Variants in RFC3 observed in about 807,000 individuals in gnomAD.
RFC3 encodes the protein replication factor C subunit 3, also known as A1 38 kDa subunit.
A neutral mutation model predicts 45.1 loss-of-function variants in RFC3; 41 were observed. The observed-to-expected ratio is 0.91, with a 90% CI of 0.71 to 1.18. RFC3 has a LOEUF of 1.18. Ranked by LOEUF, RFC3 falls within the 50% of genes most tolerant of loss-of-function variation. The pLI is 0.00. For synonymous variants in RFC3, 149 were observed against 144.0 expected (o/e 1.03, Z -0.25); for missense variants, 423 against 428.1 (o/e 0.99, Z 0.10).
chr13:33,875,070 C>T (rs528086622), intron 8 of RFC3, among the ~76,000 whole-genome samples: 22 of 152,354 alleles, frequency 1.4e-4, no homozygotes, highest in African/African-American at 5.1e-4. Context: ...GATGTTACTC[C>T]ATACACTTAG....
rs1444582991 is a variant in RFC3, at chr13:33,941,899, C to G, written c.880-24188C>G. Among the ~76,000 whole-genome samples, 3 of 152,172 alleles carry G rather than the reference C, an allele frequency of 2.0e-5. No homozygotes were observed. In the East Asian group the frequency reaches 5.8e-4, roughly 29 times the overall value. ...TGTATTTTAGAATTTTTAAATATCT[C>G]CCATACATAACTTATGTTGTTTTAT... On this transcript the variant is annotated intron_variant, in intron 8 of 8. Transcript: ENST00000434425.
chr13:33,972,709 A>G, the RFC3 span, among the ~76,000 whole-genome samples: 1 of 152,314 alleles, frequency 6.6e-6, no homozygotes, highest in East Asian at 1.9e-4. Flanking sequence ...ACTTAGTACC[A>G]CATTATGGCC....
chr13:33,950,658 G>T (rs905063618), intron 8 of RFC3, among the ~76,000 whole-genome samples: 1 of 152,204 alleles, frequency 6.6e-6, no homozygotes, highest in African/African-American at 2.4e-5. Context: ...GCTGAGAGAA[G>T]AAGAGATAGC....
intron 8 of RFC3, among the ~76,000 whole-genome samples, chr13:33,844,724 A>G (rs2082225075): frequency 6.6e-6 from 1 of 152,054 alleles, no homozygotes; most frequent in Admixed American, 6.6e-5. Context: ...TTTATATCTT[A>G]TTATACTGTC....
intron 8 of RFC3, among the ~76,000 whole-genome samples, chr13:33,908,646 A>G: frequency 7.3e-6 from 1 of 136,714 alleles, no homozygotes; most frequent in Non-Finnish European, 1.6e-5. Flanking sequence ...ACACACACAC[A>G]CACGCTTTAA....
intron 8 of RFC3, among the ~76,000 whole-genome samples, chr13:33,856,355 G>A (rs959638126): frequency 6.6e-6 from 1 of 152,120 alleles, no homozygotes; most frequent in African/African-American, 2.4e-5. Flanking sequence ...GGTGGGAGGA[G>A]AAGAGGATCA....
At chr13:33,950,776 C>T (rs2082984684) in intron 8 of RFC3, among the ~76,000 whole-genome samples, 1 of 152,132 alleles carries the variant, frequency 6.6e-6, no homozygotes, top group South Asian at 2.1e-4. Context: ...TTCTCTCTCT[C>T]TCTCTCTTTG....
chr13:33,934,655 C>T (rs1211753496), intron 8 of RFC3, among the ~76,000 whole-genome samples: 2 of 152,126 alleles, frequency 1.3e-5, no homozygotes, highest in African/African-American at 4.8e-5. Flanking sequence ...CACCTGGACT[C>T]GGCAGCCACC....
At position 33,882,466 on chromosome 13, in the gene RFC3, G is replaced by A. The variant is rs117681360; in HGVS notation, c.879+47249G>A. ...TTTGGAGATGAGGCCTTTGGGATGT[G>A]ATTAGATTATGAGGGTGGAGCCCTC... On this transcript the variant is annotated intron_variant, in intron 8 of 8. Coordinates refer to the RFC3 transcript ENST00000434425. Among the ~76,000 whole-genome samples the A allele has an allele frequency of 3.9e-4, 59 of 152,274 alleles. 2 individuals are homozygous for A. The East Asian group carries it at 0.011, about 29-fold the overall frequency.
chr13:33,867,829 T>C (rs1367588325), intron 8 of RFC3, among the ~76,000 whole-genome samples: 2 of 152,224 alleles, frequency 1.3e-5, no homozygotes, highest in Admixed American at 6.5e-5. Context: ...GACTCATATT[T>C]CCTTCTTTAC....
At chr13:33,847,744 G>A (rs1282954693) in intron 8 of RFC3, 2 of 152,106 alleles carry the variant, frequency 1.3e-5, no homozygotes, top group Non-Finnish European at 2.9e-5. Context: ...CAAAAATACA[G>A]TTTAGTCTAA....
At chr13:33,862,704 T>C (rs1296132608) in intron 8 of RFC3, among the ~76,000 whole-genome samples, 1 of 152,228 alleles carries the variant, frequency 6.6e-6, no homozygotes, top group Non-Finnish European at 1.5e-5. Context: ...CATATACATA[T>C]TGAAAAGCAT....
downstream of RFC3, among the ~76,000 whole-genome samples, chr13:33,966,882 C>A (rs1348885204): frequency 6.6e-6 from 1 of 152,048 alleles, no homozygotes; most frequent in Non-Finnish European, 1.5e-5. Flanking sequence ...AGTGGCCAGG[C>A]GTGGTGGCTC....
chr13:33,844,063 C>G (rs1307629594), intron 8 of RFC3, among the ~76,000 whole-genome samples: 2 of 152,084 alleles, frequency 1.3e-5, no homozygotes. Context: ...TCATGTTTTT[C>G]TACTTCTTTG....
chr13:33,922,261 A>G (rs993788944), intron 8 of RFC3, among the ~76,000 whole-genome samples: 2 of 151,670 alleles, frequency 1.3e-5, no homozygotes, highest in Non-Finnish European at 2.9e-5. Context: ...GTATAATTCA[A>G]TGAATTTTAG....
intron 8 of RFC3, among the ~76,000 whole-genome samples, chr13:33,950,022 GTC>G (rs1566039706): frequency 6.7e-6 from 1 of 150,332 alleles, no homozygotes; most frequent in Non-Finnish European, 1.5e-5. Flanking sequence ...GGACTTGCCT[GTC>G]TCTCTCTGCT....
intron 8 of RFC3, chr13:33,848,403 G>A (rs1410130037): frequency 6.6e-6 from 1 of 152,144 alleles, no homozygotes; most frequent in East Asian, 1.9e-4. Flanking sequence ...AAGAGTACAT[G>A]TGTTGATGAT....
chr13:33,905,442 A>T (rs111274376), intron 8 of RFC3, among the ~76,000 whole-genome samples: 1 of 151,596 alleles, frequency 6.6e-6, no homozygotes, highest in Non-Finnish European at 1.5e-5. Flanking sequence ...TCTTGCATGC[A>T]TGAGTGTCAT....
chr13:33,859,106 C>T (rs538311589), intron 8 of RFC3, among the ~76,000 whole-genome samples: 2 of 152,238 alleles, frequency 1.3e-5, no homozygotes, highest in South Asian at 2.1e-4. Context: ...ACAAATACAC[C>T]ATGATTTTAT....
Sources: gnomAD v4.1 joint callset for allele counts (sites outside exome capture counted in the v4.1 genomes callset) on GRCh38, gnomAD v4.1.1 for gene constraint, MANE v1.5 for transcripts, NCBI Gene and HGNC (gene_info 2026-07-23, HGNC 2026-07-21) for gene names.